Variants in IGFL2 observed in about 807,000 individuals in gnomAD.
IGFL2 encodes the protein insulin growth factor-like family member 2.
IGFL2 carries 7 observed loss-of-function variants against 13.9 expected under a neutral mutation model. The observed-to-expected ratio is 0.51, with a 90% CI of 0.29 to 0.95. The LOEUF is 0.95. IGFL2 is among the 40% of genes least tolerant of loss of function. The pLI, the probability that IGFL2 is intolerant of heterozygous loss-of-function variation, is 0.08. For missense variants in IGFL2, 138 were observed against 147.8 expected (o/e 0.93, Z 0.34); for synonymous variants, 55 against 55.8 (o/e 0.99, Z 0.07).
chr19:46,194,726 G>A, the IGFL2 span, among the ~76,000 whole-genome samples: 1 of 151,422 alleles, frequency 6.6e-6, no homozygotes, highest in South Asian at 2.1e-4. Flanking sequence ...GAAGGCTGAG[G>A]CAGGAGAATC....
chr19:46,199,448 G>A, the IGFL2 span, among the ~76,000 whole-genome samples: 40 of 152,278 alleles, frequency 2.6e-4, no homozygotes, highest in African/African-American at 7.5e-4. Context: ...CGGGGCTGGC[G>A]GAGGCATTGG....
At chr19:46,161,300 C>T (rs1468977088), downstream of IGFL2, 9 of 448,704 alleles carry the variant, frequency 2.0e-5, no homozygotes, top group Admixed American at 3.7e-5. Context: ...CACACCTGTA[C>T]CCAATGTCGT....
intron 3 of IGFL2, 81 bp downstream of exon 3, chr19:46,160,962 C>G: frequency 4.5e-6 from 7 of 1,558,766 alleles, no homozygotes; most frequent in Non-Finnish European, 5.3e-6. Context: ...TTCATCACTC[C>G]TTTTGAAGAG....
the IGFL2 span, among the ~76,000 whole-genome samples, chr19:46,094,913 T>C: frequency 3.3e-5 from 5 of 152,352 alleles, no homozygotes; most frequent in East Asian, 7.7e-4. Flanking sequence ...CCATGTTTTC[T>C]TTGTCTAGTC....
At chr19:46,201,215 A>C in the IGFL2 span, among the ~76,000 whole-genome samples, 1 of 152,184 alleles carries the variant, frequency 6.6e-6, no homozygotes, top group Non-Finnish European at 1.5e-5. Context: ...CCCTCCTCAC[A>C]AGAGAGATAC....
the IGFL2 span, among the ~76,000 whole-genome samples, chr19:46,177,190 T>C: frequency 6.6e-6 from 1 of 151,058 alleles, no homozygotes; most frequent in South Asian, 2.1e-4. Context: ...TGAGGTGGAG[T>C]TCGAGACCAG....
chr19:46,153,841 T>TATA (rs1568427982), intron 1 of IGFL2, among the ~76,000 whole-genome samples: 5 of 147,140 alleles, frequency 3.4e-5, no homozygotes, highest in Admixed American at 6.8e-5. Context: ...ATATATATAT[T>TATA]TTTTTTACTT....
the IGFL2 span, chr19:46,214,189 A>G: frequency 3.9e-5 from 6 of 152,212 alleles, no homozygotes; most frequent in African/African-American, 1.4e-4. Context: ...CACAGACCGC[A>G]CCTTACACCA....
chr19:46,153,771 CT>C (rs893727569), intron 1 of IGFL2, among the ~76,000 whole-genome samples: 2 of 148,360 alleles, frequency 1.3e-5, no homozygotes, highest in Non-Finnish European at 1.5e-5. Flanking sequence ...TAGCTGGGTT[CT>C]TTTTTTGGGG....
At chr19:46,126,043 C>T in the IGFL2 span, among the ~76,000 whole-genome samples, 1 of 152,090 alleles carries the variant, frequency 6.6e-6, no homozygotes, top group Non-Finnish European at 1.5e-5. Flanking sequence ...TAGAGAAATC[C>T]TTATGTTGTA....
the IGFL2 span, among the ~76,000 whole-genome samples, chr19:46,178,155 TA>T: frequency 6.6e-6 from 1 of 152,062 alleles, no homozygotes; most frequent in Non-Finnish European, 1.5e-5. Flanking sequence ...CGCATGCCTG[TA>T]ATCCCAGCTA....
the IGFL2 span, among the ~76,000 whole-genome samples, chr19:46,180,213 C>T: frequency 1.4e-5 from 2 of 146,002 alleles, no homozygotes; most frequent in African/African-American, 5.0e-5. Context: ...GAGTCTCCCT[C>T]TGTTGCGCAG....
chr19:46,187,714 G>GA, the IGFL2 span, among the ~76,000 whole-genome samples: 2,681 of 145,720 alleles, frequency 0.018, 210 homozygotes, highest in African/African-American at 0.069. Flanking sequence ...CCTGATCAGA[G>GA]ACGGTGAGCA....
chr19:46,185,348 C>T, the IGFL2 span, among the ~76,000 whole-genome samples: 1 of 152,236 alleles, frequency 6.6e-6, no homozygotes, highest in Non-Finnish European at 1.5e-5. Context: ...GCCATGCCTC[C>T]AGTCCAGCCT....
At chr19:46,151,423 T>G (rs1024575004) in intron 1 of IGFL2, among the ~76,000 whole-genome samples, 1 of 152,230 alleles carries the variant, frequency 6.6e-6, no homozygotes, top group Non-Finnish European at 1.5e-5. Context: ...AAGGGTTTAT[T>G]TTCTGACTGT....
At chr19:46,137,111 G>T in the IGFL2 span, 2 of 1,608,456 alleles carry the variant, frequency 1.2e-6, no homozygotes, top group Non-Finnish European at 8.5e-7. Context: ...CCCTAGGGTT[G>T]GGTTTGGCCC....
At chr19:46,093,269 C>A in the IGFL2 span, among the ~76,000 whole-genome samples, 2 of 152,106 alleles carry the variant, frequency 1.3e-5, no homozygotes, top group African/African-American at 4.8e-5. Context: ...GATAATTTCT[C>A]TAATGGTGAT....
In IGFL2 at chr19:46,160,480, G is replaced by A. The variant is rs775434788; in HGVS notation, c.73+12G>A. On this transcript the variant is annotated intron_variant, in intron 2 of 3. Coordinates refer to ENST00000377693, the MANE Select transcript of IGFL2 (RefSeq NM_001135113.2). ...AAGGGAAGTCATCGGTGAGTACAAG[G>A]ATGGGCAAGAGTGAAGAGGAAGGAG... 3 of 1,613,650 alleles carry A rather than the reference G, an allele frequency of 1.9e-6. No homozygotes were observed. Among genetic ancestry groups the A allele is most frequent in the South Asian group, 2.2e-5 (2 of 91,086 alleles).
the IGFL2 span, among the ~76,000 whole-genome samples, chr19:46,112,827 TTGA>T: frequency 2.6e-5 from 4 of 152,182 alleles, no homozygotes; most frequent in Admixed American, 2.6e-4. Flanking sequence ...TGCTATCAAA[TTGA>T]TGATGTGGCT....
Sources: allele counts gnomAD v4.1 joint callset (sites outside exome capture counted in the v4.1 genomes callset), GRCh38; gene constraint gnomAD v4.1.1; transcripts MANE v1.5; gene names NCBI Gene and HGNC (gene_info 2026-07-23, HGNC 2026-07-21).